Variants in FBXL7 observed in about 807,000 individuals in gnomAD.
FBXL7 encodes the protein F-box/LRR-repeat protein 7.
A neutral mutation model predicts 38.3 loss-of-function variants in FBXL7; 12 were observed. The ratio of observed to expected loss-of-function variants is 0.31; its 90% CI spans 0.20 to 0.51. The LOEUF (loss-of-function observed/expected upper bound fraction) is 0.51, where lower values mean the gene tolerates loss of function less well. Ranked by LOEUF, FBXL7 falls within the 20% of genes least tolerant of loss-of-function variation. The pLI is 0.98. For synonymous variants in FBXL7, 297 were observed against 300.9 expected (o/e 0.99, Z 0.13); for missense variants, 567 against 676.4 (o/e 0.84, Z 1.79).
chr5:15,699,087 A>C (rs368939816), intron 2 of FBXL7, among the ~76,000 whole-genome samples: 78 of 152,280 alleles, frequency 5.1e-4, no homozygotes, highest in Admixed American at 2.2e-3. Flanking sequence ...CACAACAAGA[A>C]GGTAACTGTG....
intron 1 of FBXL7, among the ~76,000 whole-genome samples, chr5:15,572,587 G>A (rs1738827463): frequency 6.6e-6 from 1 of 152,102 alleles, no homozygotes. Context: ...TCTAGATTGT[G>A]GACCAGCAGG....
At chr5:15,633,739 A>ATATTATTATTAT (rs35409501) in intron 2 of FBXL7, among the ~76,000 whole-genome samples, 20 of 143,418 alleles carry the variant, frequency 1.4e-4, no homozygotes, top group Non-Finnish European at 1.8e-4. Flanking sequence ...AGGGACACAG[A>ATATTATTATTAT]TATTATTATT....
chr5:15,615,533 T>A (rs572549561), intron 1 of FBXL7, among the ~76,000 whole-genome samples: 1 of 152,348 alleles, frequency 6.6e-6, no homozygotes, highest in East Asian at 1.9e-4. Flanking sequence ...GGAATTCATT[T>A]TTTGATGTGA....
chr5:15,789,213 TTTG>T (rs1006190797), intron 2 of FBXL7, among the ~76,000 whole-genome samples: 4 of 152,038 alleles, frequency 2.6e-5, no homozygotes, highest in South Asian at 2.1e-4. Flanking sequence ...TATCTTTTTT[TTTG>T]TTGTTGTTAG....
chr5:15,652,894 A>G (rs1741757091), intron 2 of FBXL7, among the ~76,000 whole-genome samples: 1 of 152,242 alleles, frequency 6.6e-6, no homozygotes, highest in Non-Finnish European at 1.5e-5. Flanking sequence ...ATTGTTTGCA[A>G]CACAAAGGAT....
intron 2 of FBXL7, among the ~76,000 whole-genome samples, chr5:15,686,826 A>G (rs555600366): frequency 3.6e-4 from 55 of 152,286 alleles, no homozygotes; most frequent in African/African-American, 1.3e-3. Context: ...TTAAGTTTCA[A>G]TGGATTGGAC....
chr5:15,741,222 C>G (rs769028237), intron 2 of FBXL7, among the ~76,000 whole-genome samples: 1 of 152,124 alleles, frequency 6.6e-6, no homozygotes. Context: ...ATTGTACTTA[C>G]GACATTGCAT....
chr5:15,818,153 G>A (rs534622564), intron 2 of FBXL7, among the ~76,000 whole-genome samples: 84 of 152,156 alleles, frequency 5.5e-4, no homozygotes, highest in African/African-American at 1.9e-3. Context: ...TGGTGTGTGC[G>A]TGTTATTTGT....
intron 1 of FBXL7, among the ~76,000 whole-genome samples, chr5:15,549,260 A>G (rs1311982658): frequency 6.6e-6 from 1 of 152,178 alleles, no homozygotes; most frequent in African/African-American, 2.4e-5. Context: ...GAGTTCAACA[A>G]ATGTTGGTCA....
At chr5:15,514,447 A>G (rs1208101497) in intron 1 of FBXL7, among the ~76,000 whole-genome samples, 1 of 152,202 alleles carries the variant, frequency 6.6e-6, no homozygotes. Context: ...GACATTGACC[A>G]AGAATGAAAT....
At chr5:15,922,392 G>A (rs942335438) in intron 2 of FBXL7, among the ~76,000 whole-genome samples, 6 of 152,214 alleles carry the variant, frequency 3.9e-5, no homozygotes, top group Non-Finnish European at 5.9e-5. Flanking sequence ...ATGATCAAGA[G>A]CTTTTTATGT....
At chr5:15,696,883 C>T (rs1201241294) in intron 2 of FBXL7, among the ~76,000 whole-genome samples, 1 of 152,204 alleles carries the variant, frequency 6.6e-6, no homozygotes, top group Non-Finnish European at 1.5e-5. Context: ...TTTCCTCACA[C>T]CCTGAGTGGT....
At chr5:15,511,225 A>G (rs887319875) in intron 1 of FBXL7, among the ~76,000 whole-genome samples, 1 of 152,342 alleles carries the variant, frequency 6.6e-6, no homozygotes, top group African/African-American at 2.4e-5. Flanking sequence ...GCTCATTAGG[A>G]AACAATCTGC....
chr5:15,806,958 CCTTTTTTTT>C (rs1737728152), intron 2 of FBXL7, among the ~76,000 whole-genome samples: 1 of 151,988 alleles, frequency 6.6e-6, no homozygotes, highest in African/African-American at 2.4e-5. Context: ...CTTTTCTTTT[CCTTTTTTTT>C]GAGACGGAGT....
intron 2 of FBXL7, among the ~76,000 whole-genome samples, chr5:15,831,205 G>A (rs902573169): frequency 6.6e-6 from 1 of 152,176 alleles, no homozygotes; most frequent in African/African-American, 2.4e-5. Context: ...AGCTTGTGAA[G>A]GGAATTTGCG....
intron 3 of FBXL7, among the ~76,000 whole-genome samples, chr5:15,933,651 T>C (rs978470693): frequency 5.3e-5 from 8 of 152,238 alleles, no homozygotes; most frequent in Non-Finnish European, 1.0e-4. Flanking sequence ...TTTTGGAGTG[T>C]GTGCTTCACT....
At chr5:15,623,029 T>A (rs1221697445) in intron 2 of FBXL7, among the ~76,000 whole-genome samples, 2 of 152,172 alleles carry the variant, frequency 1.3e-5, no homozygotes, top group Non-Finnish European at 2.9e-5. Flanking sequence ...ATTACACACC[T>A]AATAAATTGT....
intron 2 of FBXL7, among the ~76,000 whole-genome samples, chr5:15,715,743 C>T (rs754858856): frequency 6.6e-6 from 1 of 152,168 alleles, no homozygotes; most frequent in African/African-American, 2.4e-5. Flanking sequence ...AGTGCCTCAT[C>T]ATCATTTATT....
At position 15,903,424 on chromosome 5, in the gene FBXL7, A is replaced by G. The variant is rs935151827; in HGVS notation, c.128-24466A>G. ...TTTGTTGTTTCCTGACCTCTGGCCTATGTATAAATGTGAAAGTCTTTCTGA... is the reference window on the plus strand; with the variant it reads ...TTTGTTGTTTCCTGACCTCTGGCCTGTGTATAAATGTGAAAGTCTTTCTGA... On this transcript the variant is annotated intron_variant, in intron 2 of 3. Transcript: ENST00000504595. 4.6e-5 allele frequency among the ~76,000 whole-genome samples: 7 copies of G among 152,332 alleles called. No individual in the cohort carries two copies. The East Asian group carries it at 1.2e-3, about 25-fold the overall frequency.
Sources: allele counts gnomAD v4.1 joint callset (sites outside exome capture counted in the v4.1 genomes callset), GRCh38; gene constraint gnomAD v4.1.1; transcripts MANE v1.5; gene names NCBI Gene and HGNC (gene_info 2026-07-23, HGNC 2026-07-21).